KDELR2: variants seen among roughly 807,000 people sequenced by gnomAD.
The protein encoded by KDELR2 is ER lumen protein-retaining receptor 2.
Under a neutral mutation model 23.9 loss-of-function variants are expected in KDELR2, and 15 were observed. The observed-to-expected ratio is 0.63, with a 90% confidence interval of 0.42 to 0.97. The LOEUF is 0.97. Among genes scored for constraint, KDELR2 ranks in the 50% least tolerant of loss-of-function variants. KDELR2 has a pLI of 0.00. For synonymous variants in KDELR2, 119 were observed against 106.2 expected, an observed-to-expected ratio of 1.12 and a Z score of -0.74; for missense variants, 272 against 254.6, an observed-to-expected ratio of 1.07 and a Z score of -0.46.
At chr7:6,474,548 T>A (rs1785716315) in intron 1 of KDELR2, among the ~76,000 whole-genome samples, 1 of 152,240 alleles carries the variant, frequency 6.6e-6, no homozygotes, top group Non-Finnish European at 1.5e-5. Context: ...TATGCCAGGA[T>A]GTGTATCATT....
intron 1 of KDELR2, among the ~76,000 whole-genome samples, chr7:6,475,528 T>C (rs1425495784): frequency 2.0e-5 from 3 of 152,250 alleles, no homozygotes; most frequent in Non-Finnish European, 2.9e-5. Flanking sequence ...CAACTACAGC[T>C]GGTCTTCAAA....
intron 2 of KDELR2, among the ~76,000 whole-genome samples, chr7:6,473,028 C>G (rs1262804759): frequency 1.3e-5 from 2 of 151,106 alleles, no homozygotes; most frequent in South Asian, 2.1e-4. Flanking sequence ...CCACCTTACC[C>G]TCCTGAGTAG....
chr7:6,463,308 A>T (rs1015899071), intron 4 of KDELR2, 133 bp from the exon 5 acceptor site: 1 of 679,126 alleles, frequency 1.5e-6, no homozygotes, highest in South Asian at 2.1e-5. Flanking sequence ...AAGCAATTGT[A>T]TTTTAAAAAT....
At chr7:6,469,784 C>A in intron 2 of KDELR2, 30 bp from the exon 3 acceptor site, 1 of 1,580,754 alleles carries the variant, frequency 6.3e-7, no homozygotes, top group South Asian at 1.2e-5. Context: ...CACCAGGTGT[C>A]AATACCTTGC....
At position 6,463,101 on chromosome 7, in the gene KDELR2, A is replaced by C; in HGVS notation, c.*40T>G. On this transcript the variant is annotated 3_prime_UTR_variant, in exon 5 of 5. Coordinates refer to ENST00000258739, the MANE Select transcript of KDELR2 (RefSeq NM_006854.4). ...TTTGCTGTGGTAAGAATTCTGTCCG[A>C]GCACCCTGAAGGACAGATGCTGGTG... 1 of 1,614,152 alleles carries C rather than the reference A, an allele frequency of 6.2e-7. No homozygotes were observed. The highest frequency in any genetic ancestry group is 8.5e-7 in the Non-Finnish European group (1 of 1,180,004).
At chr7:6,463,845 G>C (rs894824788) in intron 4 of KDELR2, among the ~76,000 whole-genome samples, 1 of 151,372 alleles carries the variant, frequency 6.6e-6, no homozygotes, top group Non-Finnish European at 1.5e-5. Flanking sequence ...CGGATCTCCT[G>C]AGGTCAGGAG....
At chr7:6,467,042 G>T (rs531862200) in intron 3 of KDELR2, among the ~76,000 whole-genome samples, 2 of 152,158 alleles carry the variant, frequency 1.3e-5, no homozygotes, top group African/African-American at 4.8e-5. Flanking sequence ...AAGAGGCAAG[G>T]CACTGCCAGT....
chr7:6,477,128 C>T (rs1785770164), intron 1 of KDELR2, among the ~76,000 whole-genome samples: 1 of 152,184 alleles, frequency 6.6e-6, no homozygotes, highest in Non-Finnish European at 1.5e-5. Flanking sequence ...TAGGGCTCTG[C>T]CCTAATTAAC....
At chr7:6,466,379 G>A (rs910546329) in intron 3 of KDELR2, 56 bp from the exon 4 acceptor site, 1 of 1,590,030 alleles carries the variant, frequency 6.3e-7, no homozygotes, top group African/African-American at 1.3e-5. Context: ...GGAGCTCAGA[G>A]GAAACACTCT....
chr7:6,474,690 G>A (rs62454714), intron 1 of KDELR2, among the ~76,000 whole-genome samples: 49,341 of 151,996 alleles, frequency 0.32, 10,364 homozygotes, highest in Non-Finnish European at 0.47. Flanking sequence ...CCTGAGACAG[G>A]GTCTCCCTCT....
chr7:6,482,240 C>A (rs1350153097), intron 1 of KDELR2, among the ~76,000 whole-genome samples: 1 of 152,126 alleles, frequency 6.6e-6, no homozygotes, highest in African/African-American at 2.4e-5. Context: ...CTCAGGTGAT[C>A]CACCTGCCTC....
At chr7:6,465,193 T>G (rs1159752736) in intron 4 of KDELR2, among the ~76,000 whole-genome samples, 5 of 150,284 alleles carry the variant, frequency 3.3e-5, no homozygotes, top group African/African-American at 1.2e-4. Context: ...TTTTTTTTTT[T>G]TTTTTTGAGA....
intron 3 of KDELR2, 74 bp from the exon 4 acceptor site, chr7:6,466,397 T>C: frequency 1.3e-6 from 2 of 1,563,010 alleles, no homozygotes; most frequent in South Asian, 1.2e-5. Flanking sequence ...TCTTGCTTTC[T>C]TTACCACAAA....
intron 1 of KDELR2, among the ~76,000 whole-genome samples, 169 bp from the exon 2 acceptor site, chr7:6,474,453 C>G (rs1386733723): frequency 6.6e-6 from 1 of 152,150 alleles, no homozygotes; most frequent in African/African-American, 2.4e-5. Flanking sequence ...CTATCCCTTC[C>G]CATTCCCAAA....
In KDELR2 at chr7:6,484,046, G is replaced by A; in HGVS notation, c.12C>T (p.Phe4=). The A allele has an allele frequency of 6.6e-7, 1 of 1,518,980 alleles. No individual in the cohort carries two copies. Among genetic ancestry groups the A allele is most frequent in the Non-Finnish European group, 8.8e-7 (1 of 1,130,592 alleles). 94.1% of individuals were successfully genotyped at this position (1,518,980 alleles called of 1,614,324 possible). A position where few individuals can be genotyped will look rare whatever the true frequency, so the allele number is the denominator to read the frequency against. ...GGTGGGACAGGTCCCCAGTCAGCCG[G>A]AAAATGTTCATGGCGGCGGCGGCGG... MNI[F]RLTGDLSHLA... The change falls in exon 1 of 5, where the codon TTC becomes TTT. Residue 4 remains phenylalanine (F), a synonymous_variant. Coordinates refer to ENST00000258739, the MANE Select transcript of KDELR2 (RefSeq NM_006854.4).
intron 3 of KDELR2, among the ~76,000 whole-genome samples, chr7:6,468,521 T>A (rs1279706201): frequency 6.6e-6 from 1 of 150,410 alleles, no homozygotes; most frequent in African/African-American, 2.5e-5. Context: ...CTTCTTTTTT[T>A]TTGAGACAGC....
chr7:6,471,103 T>G (rs1425504388), intron 2 of KDELR2, among the ~76,000 whole-genome samples: 1 of 124,352 alleles, frequency 8.0e-6, no homozygotes, highest in African/African-American at 3.3e-5. Context: ...GGTGACAGAC[T>G]GACTCTGTCT....
intron 1 of KDELR2, among the ~76,000 whole-genome samples, chr7:6,483,182 G>C (rs1240848714): frequency 6.6e-6 from 1 of 152,152 alleles, no homozygotes; most frequent in African/African-American, 2.4e-5. Context: ...GTGGAGCAAC[G>C]AATTGCAGGA....
At chr7:6,468,004 A>G (rs1382178357) in intron 3 of KDELR2, among the ~76,000 whole-genome samples, 1 of 152,214 alleles carries the variant, frequency 6.6e-6, no homozygotes, top group Non-Finnish European at 1.5e-5. Context: ...ACATCTGTAC[A>G]TGAAAAGCAA....
Sources: gnomAD v4.1 joint callset for allele counts (sites outside exome capture counted in the v4.1 genomes callset) on GRCh38, gnomAD v4.1.1 for gene constraint, MANE v1.5 for transcripts, NCBI Gene and HGNC (gene_info 2026-07-23, HGNC 2026-07-21) for gene names.